The following CNBD1 variants were observed in gnomAD, a reference collection of about 807,000 sequenced individuals.
CNBD1 encodes the protein cyclic nucleotide binding domain containing 1.
A neutral mutation model predicts 54.4 loss-of-function variants in CNBD1; 71 were observed. That is an observed-to-expected ratio of 1.30 (90% CI 1.08 to 1.59). CNBD1 has a LOEUF of 1.59. Ranked by LOEUF, CNBD1 falls within the 40% of genes most tolerant of loss-of-function variation. The probability of loss-of-function intolerance (pLI) is 0.00; values close to 1 mark genes in which losing one functional copy is unlikely to be tolerated. For missense variants in CNBD1, 659 were observed against 518.0 expected (o/e 1.27, Z -2.64); for synonymous variants, 182 against 170.7 (o/e 1.07, Z -0.51).
intron 3 of CNBD1, among the ~76,000 whole-genome samples, chr8:86,939,113 G>A (rs112475361): frequency 1.6e-4 from 24 of 152,074 alleles, no homozygotes; most frequent in African/African-American, 4.8e-4. Context: ...AGGGATTTAG[G>A]TGTATAACAT....
At chr8:87,260,472 G>A (rs1183037376) in intron 6 of CNBD1, among the ~76,000 whole-genome samples, 4 of 152,120 alleles carry the variant, frequency 2.6e-5, no homozygotes, top group African/African-American at 7.2e-5. Flanking sequence ...AGCACAAAAT[G>A]CACCAGATTT....
At chr8:87,416,172 C>T (rs1320951649) in intron 2 of CNBD1, among the ~76,000 whole-genome samples, 1 of 151,808 alleles carries the variant, frequency 6.6e-6, no homozygotes, top group Non-Finnish European at 1.5e-5. Flanking sequence ...GACAAAAACA[C>T]ACAAAAAATC....
At chr8:86,983,869 G>A (rs1049773502) in intron 4 of CNBD1, among the ~76,000 whole-genome samples, 1 of 152,150 alleles carries the variant, frequency 6.6e-6, no homozygotes, top group Admixed American at 6.6e-5. Flanking sequence ...CAATTTGATA[G>A]AAAAGAAAAT....
chr8:86,969,793 T>TACAC (rs10547170), intron 4 of CNBD1, among the ~76,000 whole-genome samples: 34 of 144,538 alleles, frequency 2.4e-4, no homozygotes, highest in African/African-American at 7.9e-4. Context: ...TATATATATA[T>TACAC]ACACACACAC....
intron 6 of CNBD1, among the ~76,000 whole-genome samples, chr8:87,282,474 A>G (rs1808618244): frequency 1.3e-5 from 2 of 151,652 alleles, no homozygotes; most frequent in African/African-American, 4.8e-5. Flanking sequence ...CTCTTACTCT[A>G]AATTGCTATT....
chr8:87,226,285 T>C (rs1437344559), intron 5 of CNBD1, among the ~76,000 whole-genome samples: 2 of 150,942 alleles, frequency 1.3e-5, no homozygotes, highest in African/African-American at 5.0e-5. Flanking sequence ...TCTGCTAGCT[T>C]TTGAATGTGT....
chr8:87,419,405 A>C (rs1281367277), intron 2 of CNBD1, among the ~76,000 whole-genome samples: 1 of 151,904 alleles, frequency 6.6e-6, no homozygotes, highest in Non-Finnish European at 1.5e-5. Context: ...TACACTGAAA[A>C]CCACTAAACT....
Position 87,052,875 on chromosome 8 carries a change from T to A in CNBD1, c.431+113121T>A, listed in dbSNP as rs112398672. ...CAGGTCTCCCTTTATTTGCCTAAGT[T>A]CTTGTAGTAAAAAGGGAACTTGAAC... On this transcript the variant is annotated intron_variant, in intron 4 of 10. Transcript: ENST00000518476. Among the ~76,000 whole-genome samples the A allele has an allele frequency of 9.0e-3, 1,370 of 152,270 alleles. 17 individuals are homozygous for A. The highest frequency in any genetic ancestry group is 0.03 in the African/African-American group (1,265 of 41,542).
intron 8 of CNBD1, among the ~76,000 whole-genome samples, chr8:87,308,810 T>A (rs753568948): frequency 3.9e-5 from 6 of 152,174 alleles, no homozygotes; most frequent in Non-Finnish European, 7.4e-5. Context: ...TCCACCTTTT[T>A]AGCTCCCACA....
At chr8:86,876,830 C>G (rs922597308) in intron 1 of CNBD1, among the ~76,000 whole-genome samples, 1 of 151,748 alleles carries the variant, frequency 6.6e-6, no homozygotes, top group African/African-American at 2.4e-5. Context: ...AATCTACATC[C>G]TTAGTGATTC....
At chr8:87,179,883 C>T (rs991878416) in intron 4 of CNBD1, among the ~76,000 whole-genome samples, 3 of 152,132 alleles carry the variant, frequency 2.0e-5, no homozygotes, top group South Asian at 2.1e-4. Flanking sequence ...GGAGTAACTC[C>T]GATAAGATTA....
chr8:87,378,120 G>A (rs1202795599), intron 10 of CNBD1, among the ~76,000 whole-genome samples: 4 of 143,532 alleles, frequency 2.8e-5, no homozygotes, highest in Non-Finnish European at 4.6e-5. Context: ...TCACTCTGAT[G>A]GTAGTTTCTT....
Position 86,955,080 on chromosome 8 carries a change from G to A in CNBD1, c.431+15326G>A, listed in dbSNP as rs544447581. ...TTCCCACCGATGAGTGAGAACATGCGGTGTTTGGTGTTCTGTCCTTGCAAT... is the reference window on the plus strand; with the variant it reads ...TTCCCACCGATGAGTGAGAACATGCAGTGTTTGGTGTTCTGTCCTTGCAAT... On this transcript the variant is annotated intron_variant, in intron 4 of 10. Coordinates refer to ENST00000518476, the MANE Select transcript of CNBD1 (RefSeq NM_173538.3). Among the ~76,000 whole-genome samples, 56 of 150,592 alleles carry A rather than the reference G, an allele frequency of 3.7e-4. 1 individual carries two copies. The highest frequency in any genetic ancestry group is 1.2e-3 in the African/African-American group (49 of 40,976).
intron 4 of CNBD1, among the ~76,000 whole-genome samples, chr8:87,132,277 A>C (rs2130727742): frequency 6.6e-6 from 1 of 151,962 alleles, no homozygotes; most frequent in East Asian, 1.9e-4. Context: ...ACATTTTAGT[A>C]AGTTTGATAT....
intron 2 of CNBD1, among the ~76,000 whole-genome samples, chr8:87,424,927 G>T (rs1309271329): frequency 2.6e-5 from 4 of 152,180 alleles, no homozygotes; most frequent in East Asian, 3.9e-4. Flanking sequence ...TTCCAACTTG[G>T]TTCCATTCTC....
Position 87,000,092 on chromosome 8 carries a change from G to A in CNBD1, c.431+60338G>A, listed in dbSNP as rs376329119. 1.6e-4 allele frequency among the ~76,000 whole-genome samples: 24 copies of A among 151,970 alleles called. 1 individual carries two copies. Among genetic ancestry groups the A allele is most frequent in the East Asian group, 7.7e-4 (4 of 5,172 alleles). On this transcript the variant is annotated intron_variant, in intron 4 of 10. Coordinates refer to ENST00000518476, the MANE Select transcript of CNBD1 (RefSeq NM_173538.3). The stretch of plus-strand genomic sequence containing the variant: ...AAGTAATAAGGCATTGATATGGTTC[G>A]GCTCTGTGTCCCCATCCAAATCTTG...
At chr8:86,876,140 A>C (rs1808516877) in intron 1 of CNBD1, among the ~76,000 whole-genome samples, 1 of 151,236 alleles carries the variant, frequency 6.6e-6, no homozygotes, top group Admixed American at 6.6e-5. Flanking sequence ...ATTTGATGGA[A>C]TCCACTGTGA....
intron 4 of CNBD1, among the ~76,000 whole-genome samples, chr8:87,028,215 A>G (rs1245943757): frequency 6.6e-6 from 1 of 152,224 alleles, no homozygotes; most frequent in Non-Finnish European, 1.5e-5. Context: ...CACAAAGGAC[A>G]CACACACCTA....
intron 4 of CNBD1, among the ~76,000 whole-genome samples, chr8:87,021,387 T>G (rs1366528960): frequency 6.6e-6 from 1 of 152,246 alleles, no homozygotes; most frequent in Non-Finnish European, 1.5e-5. Flanking sequence ...TTTCAGTGCA[T>G]TGTTCATACC....
Sources: allele counts gnomAD v4.1 joint callset (sites outside exome capture counted in the v4.1 genomes callset), GRCh38; gene constraint gnomAD v4.1.1; transcripts MANE v1.5; gene names NCBI Gene and HGNC (gene_info 2026-07-23, HGNC 2026-07-21).